The following DNAH6 variants were observed in gnomAD, a reference collection of about 807,000 sequenced individuals.
DNAH6 encodes axonemal beta dynein heavy chain 6.
A neutral mutation model predicts 491.4 loss-of-function variants in DNAH6; 340 were observed. The ratio of observed to expected loss-of-function variants is 0.69; its 90% CI spans 0.63 to 0.76. The LOEUF (loss-of-function observed/expected upper bound fraction) is 0.76, where lower values mean the gene tolerates loss of function less well. DNAH6 is among the 30% of genes least tolerant of loss of function. The pLI is 0.00. For missense variants in DNAH6, 4,443 were observed against 4,972.2 expected (o/e 0.89, Z 3.20); for synonymous variants, 1,603 against 1,686.1 (o/e 0.95, Z 1.21).
chr2:84,501,743 G>C, the DNAH6 span, among the ~76,000 whole-genome samples: 12 of 148,722 alleles, frequency 8.1e-5, no homozygotes, highest in Non-Finnish European at 1.5e-4. Context: ...ATTTCTTTCT[G>C]GTTCAATCTT....
intron 12 of DNAH6, among the ~76,000 whole-genome samples, chr2:84,575,431 A>C (rs879726477): frequency 6.6e-6 from 1 of 152,212 alleles, no homozygotes; most frequent in Non-Finnish European, 1.5e-5. Flanking sequence ...AGTAATATTT[A>C]GACATTTCAT....
At chr2:84,582,225 G>T (rs1027510422) in intron 14 of DNAH6, among the ~76,000 whole-genome samples, 5 of 152,300 alleles carry the variant, frequency 3.3e-5, no homozygotes, top group African/African-American at 1.2e-4. Context: ...CCTAAAGTAT[G>T]GATAGAGCCA....
At chr2:84,598,190 T>TTCTA (rs1553438152) in intron 18 of DNAH6, among the ~76,000 whole-genome samples, 1 of 140,814 alleles carries the variant, frequency 7.1e-6, no homozygotes, top group Non-Finnish European at 1.6e-5. Flanking sequence ...TCTCTTTCTT[T>TTCTA]TCTTTCTTTC....
intron 15 of DNAH6, among the ~76,000 whole-genome samples, chr2:84,588,139 A>G (rs1264596151): frequency 6.6e-6 from 1 of 152,214 alleles, no homozygotes; most frequent in Admixed American, 6.5e-5. Context: ...CAGAATGTCA[A>G]TATAAGCCCC....
intron 15 of DNAH6, chr2:84,584,875 C>T (rs1015945026): frequency 1.9e-4 from 29 of 152,100 alleles, no homozygotes; most frequent in African/African-American, 6.3e-4. Context: ...TAAAAATAAA[C>T]TTTGCTGGTA....
At chr2:84,527,472 CT>C (rs1239852245) in intron 3 of DNAH6, among the ~76,000 whole-genome samples, 3 of 152,092 alleles carry the variant, frequency 2.0e-5, no homozygotes, top group African/African-American at 7.2e-5. Flanking sequence ...TGCAGTAAGA[CT>C]TTTTAAAGAC....
chr2:84,499,690 C>A, the DNAH6 span, among the ~76,000 whole-genome samples: 14 of 152,174 alleles, frequency 9.2e-5, no homozygotes, highest in South Asian at 2.1e-4. Flanking sequence ...TCTCCACATC[C>A]CCCAGAGTTT....
chr2:84,685,534 C>A, intron 43 of DNAH6, 62 bp downstream of exon 43: 1 of 1,095,106 alleles, frequency 9.1e-7, no homozygotes, highest in South Asian at 2.8e-5. Context: ...TTGGTTTCTA[C>A]AAAGAACAAT....
At chr2:84,475,502 G>A in the DNAH6 span, among the ~76,000 whole-genome samples, 7 of 152,082 alleles carry the variant, frequency 4.6e-5, no homozygotes, top group Admixed American at 2.6e-4. Flanking sequence ...CCTTTTCTAC[G>A]TTCCTTTTTT....
chr2:84,528,705 C>A (rs774285744), intron 3 of DNAH6, among the ~76,000 whole-genome samples, 199 bp from the exon 4 acceptor site: 38 of 152,102 alleles, frequency 2.5e-4, no homozygotes, highest in African/African-American at 8.7e-4. Context: ...TAAAAGGATG[C>A]GTATCTGGAT....
At chr2:84,536,416 G>A (rs537858953) in intron 4 of DNAH6, among the ~76,000 whole-genome samples, 4 of 152,188 alleles carry the variant, frequency 2.6e-5, no homozygotes, top group African/African-American at 4.8e-5. Context: ...CTTGGGAAAC[G>A]TAATGTTTAA....
In DNAH6 at chr2:84,762,955, TG is replaced by T. The variant is rs1674730222; in HGVS notation, c.10703+11del. The T allele has an allele frequency of 6.5e-7, 1 of 1,547,896 alleles. No homozygotes were observed. On this transcript the variant is annotated intron_variant, in intron 64 of 76. Transcript: ENST00000389394. ...GTGGATATTCAGAACGGTAAGTTCA[TG>T]TTGTGCAGTTTTAATAATGCAAATG...
Position 84,658,305 on chromosome 2 carries a change from C to A in DNAH6, c.5771C>A (p.Thr1924Asn). Reference protein sequence around the residue: ...KGISKKLTEETQEYILNLFQR... With the variant: ...KGISKKLTEENQEYILNLFQR... Reference sequence around the variant, plus strand: ...TTTCATTTTCAGCTGACTGAGGAAACCCAAGAATATATATTGAATCTTTTC... The same window carrying A: ...TTTCATTTTCAGCTGACTGAGGAAAACCAAGAATATATATTGAATCTTTTC... Residue 1924 changes from threonine to asparagine, a missense_variant, in exon 36 of 77, where the codon ACC becomes AAC. Physicochemically the swap from Thr to Asn is moderately conservative, Grantham distance 65 (BLOSUM62 0). Coordinates refer to ENST00000389394, the MANE Select transcript of DNAH6 (RefSeq NM_001370.2). 6.5e-7 allele frequency: 1 copy of A among 1,529,372 alleles called. No homozygotes were observed. Among genetic ancestry groups the A allele is most frequent in the Non-Finnish European group, 8.8e-7 (1 of 1,136,574 alleles). 94.7% of individuals were successfully genotyped at this position (1,529,372 alleles called of 1,614,324 possible). A position where few individuals can be genotyped will look rare whatever the true frequency, so the allele number is the denominator to read the frequency against.
intron 74 of DNAH6, 140 bp from the exon 75 acceptor site, chr2:84,813,831 A>G: frequency 1.3e-6 from 1 of 789,284 alleles, no homozygotes; most frequent in Admixed American, 2.6e-5. Context: ...ACTAACTCAG[A>G]GGAAGGTATT....
chr2:84,495,285 C>T, the DNAH6 span, among the ~76,000 whole-genome samples: 2 of 152,216 alleles, frequency 1.3e-5, no homozygotes, highest in African/African-American at 4.8e-5. Context: ...GCCTCAGCCT[C>T]CCCAGTAGCT....
At chr2:84,553,057 C>A in intron 10 of DNAH6, 23 bp downstream of exon 10, 1 of 1,392,250 alleles carries the variant, frequency 7.2e-7, no homozygotes, top group South Asian at 1.3e-5. Flanking sequence ...CATGTATTAT[C>A]CACATGCAAG....
At chr2:84,789,254 A>G (rs1476815270) in intron 68 of DNAH6, among the ~76,000 whole-genome samples, 1 of 152,204 alleles carries the variant, frequency 6.6e-6, no homozygotes, top group African/African-American at 2.4e-5. Flanking sequence ...CACACCAACA[A>G]TTAACAGCAG....
At chr2:84,505,200 A>G in the DNAH6 span, among the ~76,000 whole-genome samples, 2 of 152,146 alleles carry the variant, frequency 1.3e-5, no homozygotes, top group Non-Finnish European at 2.9e-5. Context: ...TGGGTTGATC[A>G]TGTATCCTGT....
intron 44 of DNAH6, among the ~76,000 whole-genome samples, chr2:84,686,954 T>C (rs1055205987): frequency 1.3e-5 from 2 of 152,214 alleles, no homozygotes; most frequent in Non-Finnish European, 2.9e-5. Context: ...GGTATTCAGT[T>C]TGGAAGGAAG....
Sources: gnomAD v4.1 joint callset for allele counts (sites outside exome capture counted in the v4.1 genomes callset) on GRCh38, gnomAD v4.1.1 for gene constraint, MANE v1.5 for transcripts, NCBI Gene and HGNC (gene_info 2026-07-23, HGNC 2026-07-21) for gene names.